DYNC2H1: variants seen among roughly 807,000 people sequenced by gnomAD.
DYNC2H1 encodes dynein cytoplasmic 2 heavy chain 1, also known as cytoplasmic dynein 2 heavy chain 1.
In DYNC2H1, 410 loss-of-function variants were observed where a neutral mutation model predicts 570.0. The observed-to-expected ratio is 0.72, with a 90% confidence interval of 0.66 to 0.78. The LOEUF (loss-of-function observed/expected upper bound fraction) is 0.78, where lower values mean the gene tolerates loss of function less well. Among genes scored for constraint, DYNC2H1 ranks in the 30% least tolerant of loss-of-function variants. The pLI, the probability that DYNC2H1 is intolerant of heterozygous loss-of-function variation, is 0.00. For missense variants in DYNC2H1, 4,865 were observed against 5,046.4 expected (o/e 0.96, Z 1.09); for synonymous variants, 1,688 against 1,677.6 (o/e 1.01, Z -0.15).
chr11:103,295,192 G>A (rs991808381), intron 75 of DYNC2H1, among the ~76,000 whole-genome samples: 1 of 152,224 alleles, frequency 6.6e-6, no homozygotes, highest in Non-Finnish European at 1.5e-5. Flanking sequence ...TGGTGAAGAT[G>A]ACTGGGACTT....
chr11:103,392,913 C>T lies in DYNC2H1; in HGVS notation c.12157-6750C>T, dbSNP rs139703407. On this transcript the variant is annotated intron_variant, in intron 83 of 88. Coordinates refer to ENST00000375735, the MANE Select transcript of DYNC2H1 (RefSeq NM_001377.3). ...TTTTTTTTTTTTTGAAATGGAGTTT[C>T]GCTCTTGTCACCCAGGCTGGAGTGC... 1.8e-4 allele frequency among the ~76,000 whole-genome samples: 26 copies of T among 147,506 alleles called. No individual in the cohort carries two copies. The East Asian group carries it at 3.3e-3, about 19-fold the overall frequency.
intron 75 of DYNC2H1, among the ~76,000 whole-genome samples, chr11:103,290,471 T>G (rs977505919): frequency 3.9e-5 from 6 of 152,216 alleles, no homozygotes; most frequent in African/African-American, 1.4e-4. Context: ...ATTATCCACC[T>G]TTCTTTTGGT....
chr11:103,118,468 C>T (rs931730140), intron 6 of DYNC2H1, among the ~76,000 whole-genome samples: 3 of 151,878 alleles, frequency 2.0e-5, no homozygotes, highest in African/African-American at 7.3e-5. Context: ...TAGTCATTGA[C>T]ATTTTTCAAT....
intron 75 of DYNC2H1, among the ~76,000 whole-genome samples, chr11:103,297,753 C>T (rs1260376945): frequency 6.6e-6 from 1 of 152,098 alleles, no homozygotes; most frequent in African/African-American, 2.4e-5. Context: ...TATACTCAAT[C>T]TACCATCAAA....
In DYNC2H1 at chr11:103,202,711, G is replaced by T. The variant is rs1186553637; in HGVS notation, c.8198-952G>T. 5.3e-5 allele frequency among the ~76,000 whole-genome samples: 8 copies of T among 152,054 alleles called. No homozygotes were observed. In the South Asian group the frequency reaches 6.2e-4, roughly 12 times the overall value. On this transcript the variant is annotated intron_variant, in intron 50 of 88. Transcript: ENST00000375735. Reference sequence around the variant, plus strand: ...GGCCTTATATGAATGCATTATTTTGGATGTGTAGCAAAGGACTTTTCACTT... The same window carrying T: ...GGCCTTATATGAATGCATTATTTTGTATGTGTAGCAAAGGACTTTTCACTT...
At position 103,187,561 on chromosome 11, in the gene DYNC2H1, G is replaced by A. The variant is rs539366280; in HGVS notation, c.7115G>A (p.Ser2372Asn). ...CCTAAACTTGATAAATGGGGGACCAGTACTTTGGTAGCATTCCTACAACAG... is the reference window on the plus strand; with the variant it reads ...CCTAAACTTGATAAATGGGGGACCAATACTTTGGTAGCATTCCTACAACAG... ...NLPKLDKWGTSTLVAFLQQVL... is the reference protein window; with the variant it reads ...NLPKLDKWGTNTLVAFLQQVL... Residue 2372 changes from serine to asparagine, a missense_variant, in exon 43 of 89, where the codon AGT (serine) becomes AAT (asparagine). Coordinates refer to ENST00000375735, the MANE Select transcript of DYNC2H1 (RefSeq NM_001377.3). 1.6e-5 allele frequency: 26 copies of A among 1,613,056 alleles called. No individual in the cohort carries two copies. The African/African-American group carries it at 2.4e-4, about 15-fold the overall frequency.
chr11:103,267,218 G>C (rs1224127672), intron 70 of DYNC2H1, among the ~76,000 whole-genome samples: 1 of 151,912 alleles, frequency 6.6e-6, no homozygotes, highest in African/African-American at 2.4e-5. Context: ...GTAGCTCTGG[G>C]TGGGGTTCCC....
intron 57 of DYNC2H1, 142 bp from the exon 58 acceptor site, chr11:103,221,888 T>G: frequency 1.3e-6 from 1 of 768,986 alleles, no homozygotes; most frequent in Non-Finnish European, 2.0e-6. Flanking sequence ...GATAATACAT[T>G]AGAAGCTTAA....
intron 17 of DYNC2H1, 42 bp from the exon 18 acceptor site, chr11:103,143,226 G>A: frequency 1.3e-6 from 2 of 1,592,422 alleles, no homozygotes; most frequent in South Asian, 1.1e-5. Context: ...TAACATATTG[G>A]TTCTGTGTCT....
rs773273287 is a variant in DYNC2H1, at chr11:103,134,382, A to T, written c.2168A>T (p.Gln723Leu). ...RQQQRWKDGL[Q>L]ELRTGLATVE... The stretch of plus-strand genomic sequence containing the variant: ...CAACAGCGCTGGAAAGATGGATTAC[A>T]AGAATTGAGAACTGGCTTAGCAACT... The change falls in exon 15 of 89, where the codon CAA becomes CTA. Residue 723 changes from glutamine (Q) to leucine (L), a missense_variant. Transcript: ENST00000375735. The T allele has an allele frequency of 8.1e-6, 13 of 1,612,046 alleles. No individual in the cohort carries two copies. Among genetic ancestry groups the T allele is most frequent in the Non-Finnish European group, 1.1e-5 (13 of 1,178,744 alleles).
intron 84 of DYNC2H1, among the ~76,000 whole-genome samples, chr11:103,418,338 A>G (rs1943361745): frequency 6.6e-6 from 1 of 152,250 alleles, no homozygotes; most frequent in African/African-American, 2.4e-5. Context: ...GTGGGATATA[A>G]GGTAAATATA....
At chr11:103,346,787 T>C (rs1326806032) in intron 82 of DYNC2H1, among the ~76,000 whole-genome samples, 2 of 152,192 alleles carry the variant, frequency 1.3e-5, no homozygotes, top group South Asian at 2.1e-4. Context: ...AACTCTTCCT[T>C]ATTGAATAAT....
At chr11:103,311,311 A>T (rs1348446389) in intron 78 of DYNC2H1, among the ~76,000 whole-genome samples, 1 of 152,170 alleles carries the variant, frequency 6.6e-6, no homozygotes, top group Non-Finnish European at 1.5e-5. Context: ...TATGATACAT[A>T]TGGATGAACA....
rs1043712234 is a variant in DYNC2H1, at chr11:103,339,045, C to T, written c.12039+15055C>T. 5.9e-5 allele frequency among the ~76,000 whole-genome samples: 9 copies of T among 152,156 alleles called. 1 individual carries two copies. The highest frequency in any genetic ancestry group is 1.0e-4 in the Non-Finnish European group (7 of 68,026). On this transcript the variant is annotated intron_variant, in intron 82 of 88. Transcript: ENST00000375735. ...ACAGCCATTTTAGCATTACCAGGTG[C>T]CCTAACCCAGGTATGCTGTGACCCC...
rs1943333623 is a variant in DYNC2H1 at position 103,417,634 on chromosome 11, T to G, written c.12366+17762T>G. Reference sequence around the variant, plus strand: ...TGGTTCACGCCTGTAATCCCAAAACTTTGGGAGGTCAAGGCAGGCAGATCA... The same window carrying G: ...TGGTTCACGCCTGTAATCCCAAAACGTTGGGAGGTCAAGGCAGGCAGATCA... On this transcript the variant is annotated intron_variant, in intron 84 of 88. Coordinates refer to ENST00000375735, the MANE Select transcript of DYNC2H1 (RefSeq NM_001377.3). Among the ~76,000 whole-genome samples the G allele has an allele frequency of 2.2e-5, 3 of 139,466 alleles. No homozygotes were observed. The South Asian group carries it at 7.4e-4, about 34-fold the overall frequency. The allele number at this position is 139,466 out of a possible 152,430, so 91.5% of individuals were successfully genotyped here. A position where few individuals can be genotyped will look rare whatever the true frequency, so the allele number is the denominator to read the frequency against.
chr11:103,238,960 A>T (rs925166480), intron 63 of DYNC2H1, among the ~76,000 whole-genome samples: 1 of 151,946 alleles, frequency 6.6e-6, no homozygotes, highest in Non-Finnish European at 1.5e-5. Flanking sequence ...TTTTCCTTTC[A>T]CTCTCAACAG....
At chr11:103,445,874 A>G (rs917069769) in intron 85 of DYNC2H1, among the ~76,000 whole-genome samples, 4 of 151,996 alleles carry the variant, frequency 2.6e-5, no homozygotes, top group East Asian at 1.9e-4. Flanking sequence ...GGATGGTCTC[A>G]ATCTCCTGAC....
chr11:103,265,830 C>T (rs1268166206), intron 70 of DYNC2H1, among the ~76,000 whole-genome samples: 1 of 152,024 alleles, frequency 6.6e-6, no homozygotes, highest in African/African-American at 2.4e-5. Flanking sequence ...GCTCACCTTT[C>T]GATGGTTTTT....
intron 70 of DYNC2H1, among the ~76,000 whole-genome samples, chr11:103,270,025 T>G (rs1276558958): frequency 6.6e-6 from 1 of 151,850 alleles, no homozygotes; most frequent in African/African-American, 2.4e-5. Flanking sequence ...AAACGCCATC[T>G]CTACTGAAAA....
Sources: allele counts gnomAD v4.1 joint callset (sites outside exome capture counted in the v4.1 genomes callset), GRCh38; gene constraint gnomAD v4.1.1; transcripts MANE v1.5; gene names NCBI Gene and HGNC (gene_info 2026-07-23, HGNC 2026-07-21).